AGTPBP1: variants seen among roughly 807,000 people sequenced by gnomAD.
The protein encoded by AGTPBP1 is ATP/GTP binding carboxypeptidase 1.
In AGTPBP1, 70 loss-of-function variants were observed where a neutral mutation model predicts 143.9. That is an observed-to-expected ratio of 0.49 (90% CI 0.40 to 0.59). The LOEUF (loss-of-function observed/expected upper bound fraction) is 0.59, where lower values mean the gene tolerates loss of function less well. Ranked by LOEUF, AGTPBP1 falls within the 20% of genes least tolerant of loss-of-function variation. The pLI, the probability that AGTPBP1 is intolerant of heterozygous loss-of-function variation, is 0.00. For synonymous variants in AGTPBP1, 463 were observed against 500.2 expected (o/e 0.93, Z 0.99); for missense variants, 1,229 against 1,464.5 (o/e 0.84, Z 2.62).
At chr9:85,711,142 A>G (rs1250728423) in intron 2 of AGTPBP1, among the ~76,000 whole-genome samples, 1 of 152,208 alleles carries the variant, frequency 6.6e-6, no homozygotes, top group Admixed American at 6.5e-5. Flanking sequence ...AGAAACTTTC[A>G]TTACCAGTAT....
intron 13 of AGTPBP1, among the ~76,000 whole-genome samples, chr9:85,634,714 T>C (rs1181364162): frequency 6.6e-6 from 1 of 152,180 alleles, no homozygotes; most frequent in Non-Finnish European, 1.5e-5. Context: ...AATTTTGCTA[T>C]TATACAAAAC....
At chr9:85,718,549 T>A (rs2134573579) in intron 1 of AGTPBP1, among the ~76,000 whole-genome samples, 1 of 152,288 alleles carries the variant, frequency 6.6e-6, no homozygotes, top group South Asian at 2.1e-4. Context: ...GTTTAAGTTC[T>A]TTGTAGATTC....
At chr9:85,782,277 G>A in the AGTPBP1 span, among the ~76,000 whole-genome samples, 1 of 152,222 alleles carries the variant, frequency 6.6e-6, no homozygotes, top group South Asian at 2.1e-4. Flanking sequence ...CACTTTGGGA[G>A]GCCAAGGCGG....
intron 14 of AGTPBP1, among the ~76,000 whole-genome samples, chr9:85,631,046 C>T (rs1831644301): frequency 6.6e-6 from 1 of 152,228 alleles, no homozygotes; most frequent in Admixed American, 6.5e-5. Context: ...ATTAGCTGAT[C>T]TGGGTCAATC....
the AGTPBP1 span, among the ~76,000 whole-genome samples, chr9:85,803,156 G>A: frequency 2.0e-5 from 3 of 152,154 alleles, no homozygotes; most frequent in Non-Finnish European, 4.4e-5. Flanking sequence ...TGGGGAAGAG[G>A]GGATGGATCC....
chr9:85,711,305 T>G (rs991701754), intron 2 of AGTPBP1, among the ~76,000 whole-genome samples: 1 of 152,204 alleles, frequency 6.6e-6, no homozygotes, highest in Non-Finnish European at 1.5e-5. Flanking sequence ...ACAATTTCAA[T>G]ATACAATCAG....
intron 3 of AGTPBP1, among the ~76,000 whole-genome samples, chr9:85,691,223 A>C (rs539693464): frequency 3.7e-4 from 57 of 152,286 alleles, no homozygotes; most frequent in Non-Finnish European, 4.7e-4. Flanking sequence ...AGGTACAGGT[A>C]TTTTAAATTA....
the AGTPBP1 span, among the ~76,000 whole-genome samples, chr9:85,762,765 T>TTATA: frequency 1.4e-5 from 2 of 146,540 alleles, no homozygotes; most frequent in African/African-American, 5.0e-5. Context: ...GAACTTAAAG[T>TTATA]TATATATATA....
intron 16 of AGTPBP1, 37 bp downstream of exon 16, chr9:85,619,178 G>A (rs1228009927): frequency 1.9e-6 from 3 of 1,609,634 alleles, no homozygotes; most frequent in Non-Finnish European, 2.5e-6. Context: ...GGAAATATCT[G>A]TGCACATACA....
chr9:85,797,890 G>GTTTCTCTT, the AGTPBP1 span, among the ~76,000 whole-genome samples: 2 of 152,024 alleles, frequency 1.3e-5, no homozygotes, highest in Non-Finnish European at 2.9e-5. Flanking sequence ...ATGTTTTTCT[G>GTTTCTCTT]TTTCTCTTTT....
chr9:85,599,897 C>T (rs2133312562), intron 17 of AGTPBP1, among the ~76,000 whole-genome samples: 1 of 152,262 alleles, frequency 6.6e-6, no homozygotes, highest in Middle Eastern at 3.4e-3. Flanking sequence ...TAAGAGCATG[C>T]AATCTGCAAC....
chr9:85,582,031 G>C lies in AGTPBP1; in HGVS notation c.3166-2935C>G, dbSNP rs1332405495. Among the ~76,000 whole-genome samples the C allele has an allele frequency of 2.0e-5, 3 of 152,264 alleles. No individual in the cohort carries two copies. In the East Asian group the frequency reaches 5.8e-4, roughly 29 times the overall value. ...ATTTTAGATAAGGGATACTTAACCTGTAATAATAAAGATTTGTTTTGTAAA... is the reference window on the plus strand; with the variant it reads ...ATTTTAGATAAGGGATACTTAACCTCTAATAATAAAGATTTGTTTTGTAAA... On this transcript the variant is annotated intron_variant, in intron 23 of 25. Coordinates refer to ENST00000357081, the MANE Select transcript of AGTPBP1 (RefSeq NM_001330701.2).
At chr9:85,750,960 T>C in the AGTPBP1 span, among the ~76,000 whole-genome samples, 83 of 152,326 alleles carry the variant, frequency 5.4e-4, no homozygotes, top group African/African-American at 2.0e-3. Context: ...ACTTTCAGGA[T>C]CCATGCCACT....
chr9:85,620,019 G>T (rs1180882216), intron 15 of AGTPBP1, among the ~76,000 whole-genome samples: 2 of 151,918 alleles, frequency 1.3e-5, no homozygotes, highest in Non-Finnish European at 1.5e-5. Flanking sequence ...AATAAATAAG[G>T]TATATGTTTC....
chr9:85,625,760 C>T (rs1407186319), intron 14 of AGTPBP1, among the ~76,000 whole-genome samples: 1 of 151,656 alleles, frequency 6.6e-6, no homozygotes, highest in African/African-American at 2.4e-5. Flanking sequence ...TGGCACGTGC[C>T]TGTAATCCCA....
the AGTPBP1 span, among the ~76,000 whole-genome samples, chr9:85,774,570 C>T: frequency 1.3e-5 from 2 of 152,158 alleles, no homozygotes; most frequent in East Asian, 3.9e-4. Context: ...TAGTTCACCA[C>T]CAACTCTGAT....
At chr9:85,556,964 A>G (rs1730164200) in intron 25 of AGTPBP1, among the ~76,000 whole-genome samples, 1 of 152,198 alleles carries the variant, frequency 6.6e-6, no homozygotes, top group Non-Finnish European at 1.5e-5. Context: ...TGATCTTATC[A>G]GGAATATATG....
Position 85,588,342 on chromosome 9 carries a change from A to C in AGTPBP1, c.2859T>G (p.Phe953Leu). The C allele has an allele frequency of 6.2e-7, 1 of 1,610,158 alleles. No homozygotes were observed. Among genetic ancestry groups the C allele is most frequent in the Non-Finnish European group, 8.5e-7 (1 of 1,178,698 alleles). ...TAQSLRESYI[F>L]KIVPMLNPDG... Reference sequence around the variant, plus strand: ...CTGGATTTAACATAGGGACAATTTTAAAAATATAAGATTCTCGTAAGCTCT... The same window carrying C: ...CTGGATTTAACATAGGGACAATTTTCAAAATATAAGATTCTCGTAAGCTCT... The change falls in exon 21 of 26, where the codon TTT becomes TTG. Residue 953 changes from phenylalanine to leucine, a missense_variant. Transcript: ENST00000357081.
intron 17 of AGTPBP1, 152 bp downstream of exon 17, chr9:85,618,831 T>C (rs1186075292): frequency 2.4e-6 from 2 of 816,844 alleles, no homozygotes; most frequent in Non-Finnish European, 3.7e-6. Context: ...GCTTGACCTA[T>C]TTCAAATGTT....
Sources: allele counts gnomAD v4.1 joint callset (sites outside exome capture counted in the v4.1 genomes callset), GRCh38; gene constraint gnomAD v4.1.1; transcripts MANE v1.5; gene names NCBI Gene and HGNC (gene_info 2026-07-23, HGNC 2026-07-21).